PUS7: variants seen among roughly 807,000 people sequenced by gnomAD.
PUS7 encodes pseudouridine synthase 7.
Under a neutral mutation model 79.8 loss-of-function variants are expected in PUS7, and 48 were observed. The ratio of observed to expected loss-of-function variants is 0.60; its 90% CI spans 0.48 to 0.76. PUS7 has a LOEUF of 0.76. PUS7 is among the 30% of genes least tolerant of loss of function. The pLI is 0.00. For missense variants in PUS7, 729 were observed against 797.6 expected, an observed-to-expected ratio of 0.91 and a Z score of 1.04; for synonymous variants, 286 against 272.2, an observed-to-expected ratio of 1.05 and a Z score of -0.50.
chr7:105,520,407 C>G (rs935453131), intron 1 of PUS7, among the ~76,000 whole-genome samples: 1 of 134,278 alleles, frequency 7.4e-6, no homozygotes, highest in Non-Finnish European at 1.7e-5. Flanking sequence ...TGCAGTGAGC[C>G]GAGATCGCGC....
rs1304858250 is a variant in PUS7 at position 105,491,671 on chromosome 7, A to T, written c.843-54T>A. ...AGTCACATACTGTAATATTATAAGG[A>T]AATCCTAATTCTCATAATTTAAGTT... On this transcript the variant is annotated intron_variant, in intron 6 of 15. Coordinates refer to ENST00000469408, the MANE Select transcript of PUS7 (RefSeq NM_019042.5). 1.4e-5 allele frequency: 14 copies of T among 1,029,002 alleles called. No individual in the cohort carries two copies. In the Middle Eastern group the frequency reaches 6.6e-4, roughly 48 times the overall value. 63.7% of individuals were successfully genotyped at this position (1,029,002 alleles called of 1,614,324 possible).
intron 12 of PUS7, among the ~76,000 whole-genome samples, chr7:105,467,991 G>GA (rs1823726512): frequency 6.6e-6 from 1 of 151,560 alleles, no homozygotes; most frequent in Admixed American, 6.6e-5. Context: ...GGAGTGCAGT[G>GA]GCACCATCTT....
In PUS7 at chr7:105,480,062, C is replaced by T. The variant is rs141193048; in HGVS notation, c.1175+990G>A. Among the ~76,000 whole-genome samples the T allele has an allele frequency of 5.3e-5, 8 of 152,256 alleles. No individual in the cohort carries two copies. The East Asian group carries it at 1.2e-3, about 22-fold the overall frequency. ...GAAGGGCAGATCAAAGTTTAATAAA[C>T]GTGTTAACACAGATCAGAAAATGTG... On this transcript the variant is annotated intron_variant, in intron 9 of 15. Coordinates refer to ENST00000469408, the MANE Select transcript of PUS7 (RefSeq NM_019042.5).
chr7:105,489,689 C>T (rs935817896), intron 7 of PUS7, among the ~76,000 whole-genome samples: 5 of 152,024 alleles, frequency 3.3e-5, no homozygotes, highest in East Asian at 1.9e-4. Flanking sequence ...ATAAACATTA[C>T]GATACAACCG....
chr7:105,487,533 G>T (rs1249371426), intron 7 of PUS7, among the ~76,000 whole-genome samples: 1 of 152,154 alleles, frequency 6.6e-6, no homozygotes, highest in African/African-American at 2.4e-5. Context: ...ACTCAGTTCT[G>T]GTTGGTATGG....
At chr7:105,473,687 G>A (rs1823967940) in intron 9 of PUS7, among the ~76,000 whole-genome samples, 1 of 152,116 alleles carries the variant, frequency 6.6e-6, no homozygotes, top group Non-Finnish European at 1.5e-5. Flanking sequence ...CCAAAGTGCT[G>A]GGATTACAGG....
At chr7:105,472,437 G>T (rs1433459287) in intron 9 of PUS7, among the ~76,000 whole-genome samples, 1 of 151,924 alleles carries the variant, frequency 6.6e-6, no homozygotes, top group Admixed American at 6.6e-5. Flanking sequence ...GTAGAGATGG[G>T]GTCTCACTAT....
rs555305554 is a variant in PUS7, at chr7:105,493,407, C to T, written c.842+1735G>A. 1.7e-4 allele frequency among the ~76,000 whole-genome samples: 26 copies of T among 152,352 alleles called. No homozygotes were observed. In the South Asian group the frequency reaches 5.2e-3, roughly 30 times the overall value. ...TCCCTCCCCACCCACCTATTCCTGT[C>T]AAGAATCGTCTGTTCTCTCTGGCTC... is the stretch of plus-strand genomic sequence containing the variant. On this transcript the variant is annotated intron_variant, in intron 6 of 15. Transcript: ENST00000469408.
At chr7:105,518,352 GT>G (rs1825973461) in intron 1 of PUS7, among the ~76,000 whole-genome samples, 1 of 151,890 alleles carries the variant, frequency 6.6e-6, no homozygotes, top group Non-Finnish European at 1.5e-5. Context: ...CAAAAATTAA[GT>G]TTAGCATTTT....
At chr7:105,513,664 C>T (rs1367075054) in intron 1 of PUS7, among the ~76,000 whole-genome samples, 5 of 148,686 alleles carry the variant, frequency 3.4e-5, no homozygotes, top group South Asian at 2.2e-4. Context: ...GGTGAAACCC[C>T]GTCTCTACTA....
At chr7:105,505,693 G>C (rs1825426884) in intron 4 of PUS7, among the ~76,000 whole-genome samples, 2 of 152,090 alleles carry the variant, frequency 1.3e-5, no homozygotes, top group Non-Finnish European at 2.9e-5. Flanking sequence ...GGAGTAGCTA[G>C]GACTTTGGAA....
intron 1 of PUS7, among the ~76,000 whole-genome samples, chr7:105,515,791 TTTTATTTA>T (rs57686149): frequency 1.2e-4 from 15 of 121,238 alleles, no homozygotes; most frequent in Admixed American, 4.3e-4. Context: ...TTTTATTTTA[TTTTATTTA>T]TTTATTTATT....
At chr7:105,513,000 T>C (rs145914658) in intron 1 of PUS7, among the ~76,000 whole-genome samples, 45 of 152,214 alleles carry the variant, frequency 3.0e-4, no homozygotes, top group Middle Eastern at 3.4e-3. Flanking sequence ...GAGAGGACAG[T>C]GGTGGTCCTC....
At chr7:105,489,363 AC>A (rs1372764681) in intron 7 of PUS7, among the ~76,000 whole-genome samples, 1 of 151,610 alleles carries the variant, frequency 6.6e-6, no homozygotes, top group African/African-American at 2.4e-5. Context: ...CTGTCCCCCT[AC>A]CCCCATTCTT....
At chr7:105,515,193 C>CT (rs1825849742) in intron 1 of PUS7, among the ~76,000 whole-genome samples, 1 of 152,172 alleles carries the variant, frequency 6.6e-6, no homozygotes, top group African/African-American at 2.4e-5. Flanking sequence ...AAACCCATAA[C>CT]TATTACACCT....
chr7:105,518,577 T>A (rs1299536929), intron 1 of PUS7, among the ~76,000 whole-genome samples: 1 of 151,886 alleles, frequency 6.6e-6, no homozygotes, highest in Non-Finnish European at 1.5e-5. Context: ...AATTTTTGTA[T>A]TTTTTGTAGA....
intron 3 of PUS7, 29 bp downstream of exon 3, chr7:105,506,160 G>A (rs1487376204): frequency 1.9e-6 from 3 of 1,582,404 alleles, no homozygotes; most frequent in South Asian, 1.1e-5. Context: ...TTATACAGAA[G>A]GTGACATTTG....
intron 13 of PUS7, among the ~76,000 whole-genome samples, chr7:105,463,199 T>G (rs1474961341): frequency 6.6e-6 from 1 of 152,214 alleles, no homozygotes; most frequent in African/African-American, 2.4e-5. Flanking sequence ...TGTAGAGTCT[T>G]TTTTATAGCA....
chr7:105,491,497 A>T lies in PUS7; in HGVS notation c.920+43T>A, dbSNP rs773107980. 3.1e-6 allele frequency: 4 copies of T among 1,279,746 alleles called. No homozygotes were observed. In the East Asian group the frequency reaches 1.0e-4, roughly 32 times the overall value. The allele number at this position is 1,279,746 out of a possible 1,614,324, so 79.3% of individuals were successfully genotyped here. On this transcript the variant is annotated intron_variant, in intron 7 of 15. Coordinates refer to ENST00000469408, the MANE Select transcript of PUS7 (RefSeq NM_019042.5). ...TTTGAGAATTCTGAAAAGCAGTGCC[A>T]GGATATTTACAGTATAAATCCTGTT...
Sources: allele counts gnomAD v4.1 joint callset (sites outside exome capture counted in the v4.1 genomes callset), GRCh38; gene constraint gnomAD v4.1.1; transcripts MANE v1.5; gene names NCBI Gene and HGNC (gene_info 2026-07-23, HGNC 2026-07-21).